Variants in MYO1E observed in about 807,000 individuals in gnomAD.
The protein encoded by MYO1E is myosin IE, also known as unconventional myosin-Ie.
A neutral mutation model predicts 151.1 loss-of-function variants in MYO1E; 68 were observed. The ratio of observed to expected loss-of-function variants is 0.45; its 90% CI spans 0.37 to 0.55. MYO1E has a LOEUF of 0.55. MYO1E is among the 20% of genes least tolerant of loss of function. The pLI, the probability that MYO1E is intolerant of heterozygous loss-of-function variation, is 0.00. For synonymous variants in MYO1E, 601 were observed against 501.7 expected, an observed-to-expected ratio of 1.20 and a Z score of -2.64; for missense variants, 1,363 against 1,389.3, an observed-to-expected ratio of 0.98 and a Z score of 0.30.
intron 26 of MYO1E, among the ~76,000 whole-genome samples, chr15:59,142,118 A>C (rs1301106461): frequency 6.6e-6 from 1 of 152,040 alleles, no homozygotes. Context: ...AAAAAAAAAA[A>C]ATTTTTTTTT....
rs1395743850 is a variant in MYO1E, at chr15:59,172,054, G to A, written c.2335-12C>T. On this transcript the variant is annotated splice_polypyrimidine_tract_variant and intron_variant, in intron 21 of 27. Transcript: ENST00000288235. The stretch of plus-strand genomic sequence containing the variant: ...TCTCGCTTTACACCCTGTAAGGAGA[G>A]GAGCTTTAAGAAGCTGGACAGGCCA... The A allele has an allele frequency of 1.2e-6, 2 of 1,613,448 alleles. No individual in the cohort carries two copies. The highest frequency in any genetic ancestry group is 8.5e-7 in the Non-Finnish European group (1 of 1,180,014).
chr15:59,198,394 G>A (rs2079780738), intron 16 of MYO1E, among the ~76,000 whole-genome samples: 1 of 152,104 alleles, frequency 6.6e-6, no homozygotes, highest in African/African-American at 2.4e-5. Flanking sequence ...GTGGGTCCTG[G>A]CACTTTTATT....
chr15:59,248,697 C>T (rs770805991), intron 4 of MYO1E, among the ~76,000 whole-genome samples: 1 of 151,940 alleles, frequency 6.6e-6, no homozygotes, highest in Admixed American at 6.6e-5. Context: ...AGAGTCAGGA[C>T]AGGAAAGTAA....
At chr15:59,180,053 C>T (rs750340453) in intron 18 of MYO1E, among the ~76,000 whole-genome samples, 1 of 152,204 alleles carries the variant, frequency 6.6e-6, no homozygotes, top group South Asian at 2.1e-4. Flanking sequence ...CAGCTGGTTG[C>T]GACTCAGGTG....
In MYO1E at chr15:59,137,524, C is replaced by T. The variant is rs183237224; in HGVS notation, c.3251-68G>A. The T allele has an allele frequency of 5.3e-4, 666 of 1,255,022 alleles. 6 individuals carry two copies. The South Asian group carries it at 6.2e-3, about 12-fold the overall frequency. 77.7% of individuals were successfully genotyped at this position (1,255,022 alleles called of 1,614,324 possible). A position where few individuals can be genotyped will look rare whatever the true frequency, so the allele number is the denominator to read the frequency against. On this transcript the variant is annotated intron_variant, in intron 27 of 27. Transcript: ENST00000288235. ...TGTTCTGCCCCAGCCACACACACTC[C>T]GCTCCCATGGGCTCAAGTGATTTGG...
chr15:59,206,874 T>C lies in MYO1E; in HGVS notation c.1531-1389A>G, dbSNP rs1219470290. The C allele has an allele frequency of 6.0e-6, 9 of 1,506,620 alleles. No individual in the cohort carries two copies. In the Admixed American group the frequency reaches 1.6e-4, roughly 27 times the overall value. 93.3% of individuals were successfully genotyped at this position (1,506,620 alleles called of 1,614,324 possible). On this transcript the variant is annotated intron_variant, in intron 14 of 27. Transcript: ENST00000288235. ...CTGAAGGTCCTGCCAACGGCTCTCT[T>C]GGCGTCTCAACGTTCGGATCAGCAG...
At chr15:59,177,490 G>C (rs1233818214) in intron 19 of MYO1E, among the ~76,000 whole-genome samples, 1 of 152,180 alleles carries the variant, frequency 6.6e-6, no homozygotes, top group Non-Finnish European at 1.5e-5. Flanking sequence ...CCCTTGGTCT[G>C]ATGACTGATT....
intron 1 of MYO1E, among the ~76,000 whole-genome samples, chr15:59,285,537 G>T (rs7181456): frequency 0.77 from 116,900 of 151,432 alleles, 45,637 homozygotes; most frequent in Middle Eastern, 0.83. Flanking sequence ...ATTCTTTTTT[G>T]TGTGTGTTTT....
chr15:59,331,906 G>A (rs374859835), intron 1 of MYO1E, among the ~76,000 whole-genome samples: 3 of 152,084 alleles, frequency 2.0e-5, no homozygotes, highest in African/African-American at 4.8e-5. Context: ...TTATTGCAGG[G>A]CAAGGGTGAT....
chr15:59,217,936 C>A lies in MYO1E; in HGVS notation c.1062G>T (p.Ala354=), dbSNP rs745860377. 1 of 1,614,180 alleles carries A rather than the reference C, an allele frequency of 6.2e-7. No individual in the cohort carries two copies. Among genetic ancestry groups the A allele is most frequent in the Non-Finnish European group, 8.5e-7 (1 of 1,180,032 alleles). The change falls in exon 10 of 28, where the codon GCG becomes GCT. Residue 354 remains alanine (A), a synonymous_variant. Coordinates refer to ENST00000288235, the MANE Select transcript of MYO1E (RefSeq NM_004998.4). ...CCCGGGCGTGCAGGGCCTTGGCGAG[C>A]GCATCCCGGGTGTAACAGGCCTGCT... ...NVEQACYTRD[A]LAKALHARVF...
chr15:59,203,023 G>T (rs1285512014), intron 15 of MYO1E, among the ~76,000 whole-genome samples: 1 of 151,912 alleles, frequency 6.6e-6, no homozygotes, highest in African/African-American at 2.4e-5. Context: ...TGGGACTACA[G>T]GCATGAGGCA....
chr15:59,362,859 T>C (rs192992315), intron 1 of MYO1E, among the ~76,000 whole-genome samples: 129 of 152,392 alleles, frequency 8.5e-4, no homozygotes, highest in Admixed American at 8.2e-3. Flanking sequence ...AATTTTGTTG[T>C]TGTATTCTGT....
At chr15:59,158,492 G>A (rs2079520698) in intron 24 of MYO1E, 113 bp from the exon 25 acceptor site, 6 of 797,210 alleles carry the variant, frequency 7.5e-6, no homozygotes, top group Non-Finnish European at 1.3e-5. Flanking sequence ...CTCTCAGGTG[G>A]ATCTGCAGGA....
Position 59,137,454 on chromosome 15 carries a change from G to A in MYO1E, c.3253C>T (p.Pro1085Ser). ...NDIIDIIKED[P>S]SGWWTGRLRG... ...AGTCGACCCGTCCACCAGCCAGAAGGATCTGCAGGGAGAGAGAGGTGGTGG... is the reference window on the plus strand; with the variant it reads ...AGTCGACCCGTCCACCAGCCAGAAGAATCTGCAGGGAGAGAGAGGTGGTGG... The change falls in exon 28 of 28, where the codon CCT becomes TCT. Residue 1085 changes from proline (P) to serine (S), a missense_variant and splice_region_variant. Pro to Ser is a moderately conservative substitution (Grantham distance 74). Coordinates refer to ENST00000288235, the MANE Select transcript of MYO1E (RefSeq NM_004998.4). 1 of 1,614,048 alleles carries A rather than the reference G, an allele frequency of 6.2e-7. No homozygotes were observed. The highest frequency in any genetic ancestry group is 8.5e-7 in the Non-Finnish European group (1 of 1,179,910).
intron 12 of MYO1E, among the ~76,000 whole-genome samples, chr15:59,213,377 G>A (rs1394610799): frequency 6.6e-6 from 1 of 151,816 alleles, no homozygotes; most frequent in Non-Finnish European, 1.5e-5. Flanking sequence ...CATCATGTTG[G>A]CCAGGCTGGT....
intron 1 of MYO1E, among the ~76,000 whole-genome samples, chr15:59,282,920 GGGAGGGGGAGGGGGAGGGGGA>G (rs2080363159): frequency 7.5e-3 from 1 of 134 alleles, no homozygotes; most frequent in Non-Finnish European, 0.021. Context: ...GAGGGGGAGG[GGGAGGGGGAGGGGGAGGGGGA>G]GGGGGAGGGG....
At chr15:59,292,011 C>T (rs1020802413) in intron 1 of MYO1E, among the ~76,000 whole-genome samples, 1 of 152,166 alleles carries the variant, frequency 6.6e-6, no homozygotes, top group African/African-American at 2.4e-5. Context: ...CTATAGTTCA[C>T]ATGCTAAATA....
intron 1 of MYO1E, among the ~76,000 whole-genome samples, chr15:59,304,456 G>C (rs1223867909): frequency 6.6e-6 from 1 of 152,178 alleles, no homozygotes; most frequent in Non-Finnish European, 1.5e-5. Flanking sequence ...ATATGTGCTA[G>C]AATTTCCCTT....
At chr15:59,228,554 T>G (rs11071416) in intron 6 of MYO1E, among the ~76,000 whole-genome samples, 1,561 of 150,632 alleles carry the variant, frequency 0.01, 12 homozygotes, top group East Asian at 0.022. Flanking sequence ...TTTAAATTGG[T>G]TTTTTTTTCT....
Sources: gnomAD v4.1 joint callset for allele counts (sites outside exome capture counted in the v4.1 genomes callset) on GRCh38, gnomAD v4.1.1 for gene constraint, MANE v1.5 for transcripts, NCBI Gene and HGNC (gene_info 2026-07-23, HGNC 2026-07-21) for gene names.